The following SNRNP35 variants were observed in gnomAD, a reference collection of about 807,000 sequenced individuals.
SNRNP35 encodes the protein small nuclear ribonucleoprotein U11/U12 subunit 35, also known as U11/U12 small nuclear ribonucleoprotein 35 kDa protein.
In SNRNP35, 16 loss-of-function variants were observed where a neutral mutation model predicts 24.3. The observed-to-expected ratio is 0.66, with a 90% CI of 0.45 to 1.00. SNRNP35 has a LOEUF of 1.00. Ranked by LOEUF, SNRNP35 falls within the 50% of genes least tolerant of loss-of-function variation. The probability of loss-of-function intolerance (pLI) is 0.00; values close to 1 mark genes in which losing one functional copy is unlikely to be tolerated. For synonymous variants in SNRNP35, 106 were observed against 124.8 expected, an observed-to-expected ratio of 0.85 and a Z score of 1.00; for missense variants, 292 against 327.2, an observed-to-expected ratio of 0.89 and a Z score of 0.83.
At position 123,458,211 on chromosome 12, in the gene SNRNP35, G is replaced by C. The variant is rs1880382484; in HGVS notation, c.-9G>C. ...TCCGTCGGAAGGGAGCCCAAGCTTT[G>C]CAGAGGTGAGTGGAAGCGGCTTGGA... On this transcript the variant is annotated 5_prime_UTR_variant, in exon 1 of 2. Coordinates refer to ENST00000526639, the MANE Select transcript of SNRNP35 (RefSeq NM_022717.4). 7 of 985,538 alleles carry C rather than the reference G, an allele frequency of 7.1e-6. No individual in the cohort carries two copies. Among genetic ancestry groups the C allele is most frequent in the Non-Finnish European group, 8.4e-6 (7 of 830,026 alleles). 61.0% of individuals were successfully genotyped at this position (985,538 alleles called of 1,614,324 possible). A position where few individuals can be genotyped will look rare whatever the true frequency, so the allele number is the denominator to read the frequency against.
intron 1 of SNRNP35, among the ~76,000 whole-genome samples, chr12:123,460,257 A>G (rs541876054): frequency 6.6e-5 from 10 of 152,088 alleles, no homozygotes; most frequent in Admixed American, 6.6e-4. Context: ...TTATCTCCAA[A>G]ACCTTATATT....
intron 1 of SNRNP35, among the ~76,000 whole-genome samples, chr12:123,461,761 G>C (rs949646950): frequency 6.9e-6 from 1 of 145,876 alleles, no homozygotes; most frequent in African/African-American, 2.5e-5. Context: ...TTGCTGTGTT[G>C]ATGAGGCTGG....
At chr12:123,462,470 A>T (rs1026442749) in intron 1 of SNRNP35, among the ~76,000 whole-genome samples, 1 of 151,214 alleles carries the variant, frequency 6.6e-6, no homozygotes, top group Non-Finnish European at 1.5e-5. Flanking sequence ...ATGATGGGAC[A>T]TGGTGAGAGG....
intron 1 of SNRNP35, chr12:123,459,776 G>T: frequency 6.8e-7 from 1 of 1,462,202 alleles, no homozygotes; most frequent in South Asian, 1.2e-5. Flanking sequence ...GACAGAGTGA[G>T]ACTTTGTCTC....
intron 1 of SNRNP35, chr12:123,459,870 G>A: frequency 6.3e-7 from 1 of 1,597,224 alleles, no homozygotes; most frequent in Non-Finnish European, 8.5e-7. Context: ...AGTGCACCTA[G>A]AAAGATTAAT....
chr12:123,472,666 G>T, exon 2 of SNRNP35: 1 of 1,598,022 alleles, frequency 6.3e-7, no homozygotes, highest in East Asian at 2.3e-5. Flanking sequence ...TTCTTATCTC[G>T]GGAGAAGAAG....
Position 123,465,834 on chromosome 12 carries a change from A to C in SNRNP35, c.294A>C (p.Glu98Asp). ...TGFSKGYAFI[E>D]YKEERAVIKA... ...TTTCAAAGGGCTACGCCTTCATCGA[A>C]TACAAGGAGGAGCGTGCCGTGATCA... Residue 98 changes from glutamate to aspartate, a missense_variant, in exon 2 of 2, where the codon GAA (glutamate) becomes GAC (aspartate). Glu to Asp is a conservative substitution (Grantham distance 45). Coordinates refer to ENST00000526639, the MANE Select transcript of SNRNP35 (RefSeq NM_022717.4). The surrounding 1 kb of genome is among the most constrained non-coding windows in gnomAD (Gnocchi z 4.2). 6.2e-7 allele frequency: 1 copy of C among 1,614,026 alleles called. No homozygotes were observed. Among genetic ancestry groups the C allele is most frequent in the Non-Finnish European group, 8.5e-7 (1 of 1,180,026 alleles).
downstream of SNRNP35, chr12:123,470,473 C>CA (rs57574691): frequency 0.016 from 1,365 of 86,126 alleles, 28 homozygotes; most frequent in African/African-American, 0.045. Flanking sequence ...ACCCTGTGTC[C>CA]AAAAAAAAAA....
intron 1 of SNRNP35, among the ~76,000 whole-genome samples, chr12:123,461,635 T>C (rs1355060776): frequency 1.3e-5 from 2 of 152,108 alleles, no homozygotes; most frequent in African/African-American, 4.8e-5. Flanking sequence ...TGCCCTCCTT[T>C]TACCATGTGG....
At chr12:123,472,293 A>G in exon 2 of SNRNP35, 2 of 467,554 alleles carry the variant, frequency 4.3e-6, no homozygotes, top group Non-Finnish European at 7.7e-6. Flanking sequence ...TATTAAATAT[A>G]TATCCTACGG....
chr12:123,471,055 T>C (rs1881165997), downstream of SNRNP35: 1 of 151,904 alleles, frequency 6.6e-6, no homozygotes, highest in Non-Finnish European at 1.5e-5. Context: ...CAAATTCACC[T>C]GATGGTTTCT....
intron 1 of SNRNP35, chr12:123,459,395 A>G (rs889903492): frequency 6.7e-6 from 1 of 148,330 alleles, no homozygotes; most frequent in African/African-American, 2.5e-5. Flanking sequence ...CAAATAATCC[A>G]CCCGCCTTGG....
intron 1 of SNRNP35, among the ~76,000 whole-genome samples, chr12:123,460,498 G>A (rs547851611): frequency 1.3e-5 from 2 of 149,302 alleles, no homozygotes; most frequent in East Asian, 4.0e-4. Flanking sequence ...GGGTTCGCTG[G>A]CTCACATGTG....
At chr12:123,463,930 ATTTT>A (rs35927970) in intron 1 of SNRNP35, among the ~76,000 whole-genome samples, 3 of 110,516 alleles carry the variant, frequency 2.7e-5, no homozygotes, top group Non-Finnish European at 1.8e-5. Context: ...CGCCTGGCTA[ATTTT>A]TTTTTTTTTT....
chr12:123,462,331 A>C (rs1044004874), intron 1 of SNRNP35, among the ~76,000 whole-genome samples: 1 of 152,252 alleles, frequency 6.6e-6, no homozygotes, highest in East Asian at 1.9e-4. Context: ...AAAGAAAGAA[A>C]AATTGTACTA....
chr12:123,459,453 C>T (rs995539773), intron 1 of SNRNP35: 3 of 152,682 alleles, frequency 2.0e-5, no homozygotes, highest in African/African-American at 4.8e-5. Context: ...CGCCCTGGCC[C>T]CCACCATTCA....
intron 1 of SNRNP35, among the ~76,000 whole-genome samples, chr12:123,461,114 C>T (rs939587209): frequency 2.0e-5 from 3 of 147,114 alleles, no homozygotes; most frequent in Non-Finnish European, 4.5e-5. Context: ...CACGCCCAGC[C>T]TCTTCTTTCT....
chr12:123,466,238 A>G lies in SNRNP35; in HGVS notation c.698A>G (p.Asp233Gly). ...NDWERERDFR[D>G]DRIKGREKKE... is the part of the protein sequence containing the mutation. ...TGGGAGAGAGAGAGGGACTTCAGAG[A>G]TGACAGGATCAAGGGGAGGGAGAAG... The change falls in exon 2 of 2, where the codon GAT (aspartate) becomes GGT (glycine). Residue 233 changes from aspartate to glycine, a missense_variant. Asp to Gly is a moderately conservative substitution (Grantham distance 94). Transcript: ENST00000526639. 1.3e-6 allele frequency: 2 copies of G among 1,539,396 alleles called. No individual in the cohort carries two copies. The highest frequency in any genetic ancestry group is 1.7e-6 in the Non-Finnish European group (2 of 1,146,750).
chr12:123,463,930 A>ATTTT (rs35927970), intron 1 of SNRNP35, among the ~76,000 whole-genome samples: 2 of 110,522 alleles, frequency 1.8e-5, no homozygotes, highest in African/African-American at 7.1e-5. Flanking sequence ...CGCCTGGCTA[A>ATTTT]TTTTTTTTTT....
Sources: gnomAD v4.1 joint callset for allele counts (sites outside exome capture counted in the v4.1 genomes callset) on GRCh38, gnomAD v4.1.1 for gene constraint, Gnocchi (gnomAD v3.1) non-coding constraint, MANE v1.5 for transcripts, NCBI Gene and HGNC (gene_info 2026-07-23, HGNC 2026-07-21) for gene names.